SIRT6: variants seen among roughly 807,000 people sequenced by gnomAD.
SIRT6 encodes the protein sirtuin 6, also known as NAD-dependent protein deacylase sirtuin-6.
SIRT6 carries 21 observed loss-of-function variants against 33.6 expected under a neutral mutation model. That is an observed-to-expected ratio of 0.62 (90% CI 0.44 to 0.90). SIRT6 has a LOEUF of 0.90. SIRT6 is among the 40% of genes least tolerant of loss of function. The pLI, the probability that SIRT6 is intolerant of heterozygous loss-of-function variation, is 0.00. For missense variants in SIRT6, 504 were observed against 510.6 expected (o/e 0.99, Z 0.12); for synonymous variants, 221 against 223.9 (o/e 0.99, Z 0.12).
intron 6 of SIRT6, 177 bp from the exon 7 acceptor site, chr19:4,175,328 G>A: frequency 4.6e-6 from 4 of 863,692 alleles, no homozygotes; most frequent in Non-Finnish European, 5.2e-6. Context: ...TCCGTTGGCG[G>A]GGTCATTGAT....
At chr19:4,182,187 T>C (rs1967726689) in intron 1 of SIRT6, 2 of 428,618 alleles carry the variant, frequency 4.7e-6, no homozygotes, top group African/African-American at 4.2e-5. Flanking sequence ...GGCCTAATCG[T>C]TCTCCAGGTG....
chr19:4,179,187 C>T lies in SIRT6; in HGVS notation c.294G>A (p.Leu98=), dbSNP rs1192695651. 2 of 1,612,316 alleles carry T rather than the reference C, an allele frequency of 1.2e-6. No homozygotes were observed. The highest frequency in any genetic ancestry group is 1.7e-5 in the Admixed American group (1 of 59,806). ...GGAGGCCCACGCGCTCCAGCTGCAC[C>T]AGCGCCATGTGGGTCTGCGTGGGCC... ...SARPTQTHMA[L]VQLERVGLLR... is the part of the protein sequence containing the mutation. The change falls in exon 3 of 8, where the codon CTG becomes CTA. Residue 98 remains leucine (L), a synonymous_variant. Coordinates refer to ENST00000337491, the MANE Select transcript of SIRT6 (RefSeq NM_016539.4).
intron 4 of SIRT6, 80 bp from the exon 5 acceptor site, chr19:4,176,017 C>T: frequency 7.6e-7 from 1 of 1,308,192 alleles, no homozygotes; most frequent in Non-Finnish European, 1.1e-6. Context: ...GGGTGACGTT[C>T]TCCCAGGGAG....
At chr19:4,176,169 C>T (rs939323972) in intron 4 of SIRT6, among the ~76,000 whole-genome samples, 6 of 152,250 alleles carry the variant, frequency 3.9e-5, no homozygotes, top group African/African-American at 1.4e-4. Context: ...CGAAGGGGCT[C>T]GAGAGACAAG....
chr19:4,174,668 AGGGCTGGTGGGCCGCTCCCGTTTG>A lies in SIRT6; in HGVS notation c.993_1016del (p.Lys332_Pro339del), dbSNP rs1967170578. The A allele has an allele frequency of 6.9e-7, 1 of 1,457,928 alleles. No homozygotes were observed. Among genetic ancestry groups the A allele is most frequent in the Non-Finnish European group, 9.1e-7 (1 of 1,103,152 alleles). 90.3% of individuals were successfully genotyped at this position (1,457,928 alleles called of 1,614,324 possible). The stretch of plus-strand genomic sequence containing the variant: ...CCCTTTTGGGGGGTCTGTGGGGGGC[AGGGCTGGTGGGCCGCTCCCGTTTG>A]GGGCTGGCGGGCTCTGAGCCGTTGT... On this transcript the variant is annotated inframe_deletion, in exon 8 of 8. Coordinates refer to ENST00000337491, the MANE Select transcript of SIRT6 (RefSeq NM_016539.4). This position sits in a 1 kb window ranked among gnomAD's most constrained non-coding sequence, Gnocchi z 4.2.
intron 6 of SIRT6, 46 bp downstream of exon 6, chr19:4,175,634 T>TCCCGC (rs1232629022): frequency 6.9e-7 from 1 of 1,444,598 alleles, no homozygotes; most frequent in South Asian, 1.4e-5. Context: ...TCTGCTGTCG[T>TCCCGC]CCCGCCCCGC....
intron 1 of SIRT6, among the ~76,000 whole-genome samples, chr19:4,181,585 A>G (rs903607326): frequency 2.0e-5 from 3 of 152,178 alleles, no homozygotes; most frequent in African/African-American, 7.2e-5. Flanking sequence ...TCAAGAGTTC[A>G]AGAGCAGACT....
intron 2 of SIRT6, among the ~76,000 whole-genome samples, chr19:4,180,203 C>G (rs1259860177): frequency 7.0e-6 from 1 of 143,640 alleles, no homozygotes; most frequent in Non-Finnish European, 1.5e-5. Flanking sequence ...CTCCCGGGTT[C>G]AAGCGATTCT....
intron 2 of SIRT6, among the ~76,000 whole-genome samples, chr19:4,180,093 CTTTTTTTTTTT>C (rs71166971): frequency 4.4e-5 from 2 of 45,902 alleles, no homozygotes; most frequent in East Asian, 5.6e-4. Flanking sequence ...CACGCCTTGG[CTTTTTTTTTTT>C]TTTTTTTTTT....
rs186738436 is a variant in SIRT6, at chr19:4,179,044, A to T, written c.377+60T>A. 7.3e-5 allele frequency: 116 copies of T among 1,582,776 alleles called. No homozygotes were observed. In the East Asian group the frequency reaches 2.6e-3, roughly 35 times the overall value. ...AGGAAAAGGGGACTCTCCCCCTAAA[A>T]ATGCAAACACGGTTTGTGGGGCCCC... is the stretch of plus-strand genomic sequence containing the variant. On this transcript the variant is annotated intron_variant, in intron 3 of 7. Transcript: ENST00000337491.
intron 4 of SIRT6, among the ~76,000 whole-genome samples, chr19:4,176,288 C>G (rs1233757115): frequency 6.6e-6 from 1 of 152,174 alleles, no homozygotes; most frequent in Non-Finnish European, 1.5e-5. Context: ...TTTACTTTTC[C>G]TGACTTTAAT....
chr19:4,177,651 C>T (rs1348546824), intron 3 of SIRT6, among the ~76,000 whole-genome samples: 2 of 152,142 alleles, frequency 1.3e-5, no homozygotes, highest in African/African-American at 4.8e-5. Context: ...ACCTCAATGG[C>T]ACAATCTCAG....
intron 3 of SIRT6, among the ~76,000 whole-genome samples, chr19:4,177,587 T>C (rs1027816712): frequency 1.3e-5 from 2 of 151,990 alleles, no homozygotes; most frequent in Non-Finnish European, 2.9e-5. Context: ...TGAGACAGAG[T>C]TTTGCTCTTG....
chr19:4,180,988 C>G, intron 1 of SIRT6, 79 bp from the exon 2 acceptor site: 1 of 1,498,824 alleles, frequency 6.7e-7, no homozygotes, highest in Admixed American at 2.3e-5. Flanking sequence ...ACAGACTGAG[C>G]TGTCCCTGTC....
chr19:4,182,400 T>G (rs1967754863), intron 1 of SIRT6, 74 bp downstream of exon 1: 1 of 1,445,868 alleles, frequency 6.9e-7, no homozygotes, highest in Admixed American at 2.1e-5. Context: ...ATTCCCACAA[T>G]GCCCCCCTGC....
Position 4,174,750 on chromosome 19 carries a change from G to A in SIRT6, c.935C>T (p.Pro312Leu). The A allele has an allele frequency of 1.3e-6, 2 of 1,487,454 alleles. No homozygotes were observed. Among genetic ancestry groups the A allele is most frequent in the Non-Finnish European group, 1.8e-6 (2 of 1,118,610 alleles). 92.1% of individuals were successfully genotyped at this position (1,487,454 alleles called of 1,614,324 possible). The change falls in exon 8 of 8, where the codon CCC (proline) becomes CTC (leucine). Residue 312 changes from proline to leucine, a missense_variant. Transcript: ENST00000337491. The surrounding 1 kb of genome is among the most constrained non-coding windows in gnomAD (Gnocchi z 4.2). ...GCAGGGCTCCTGCTTGGGGCCGGCG[G>A]GGATAGAGCCGTTGATCCGGGTGGG... ...ESPTRINGSI[P>L]AGPKQEPCAQ...
rs747712761 is a variant in SIRT6, at chr19:4,175,074, C to T, written c.692G>A (p.Arg231His). The change falls in exon 7 of 8, where the codon CGC (arginine) becomes CAC (histidine). Residue 231 changes from arginine (R) to histidine (H), a missense_variant. By Grantham distance (29) the Arg-to-His change is conservative. Coordinates refer to ENST00000337491, the MANE Select transcript of SIRT6 (RefSeq NM_016539.4). ...PSGNLPLATK[R>H]RGGRLVIVNL... The stretch of plus-strand genomic sequence containing the variant: ...GACGATGACCAGGCGGCCTCCCCGG[C>T]GCTTGGTAGCCAGCGGCAGGTTCCC... 1.9e-6 allele frequency: 3 copies of T among 1,592,682 alleles called. No individual in the cohort carries two copies. The highest frequency in any genetic ancestry group is 1.8e-5 in the Admixed American group (1 of 56,630).
rs1967271848 is a variant in SIRT6, at chr19:4,175,877, G to A, written c.498C>T (p.Cys166=). Residue 166 remains cysteine, a synonymous_variant, in exon 5 of 8, where the codon TGC becomes TGT. Coordinates refer to ENST00000337491, the MANE Select transcript of SIRT6 (RefSeq NM_016539.4). ...TMGLKATGRL[C]TVAKARGLRA... is the part of the protein sequence containing the mutation. ...GCAGCCCCCTTGCCTTAGCCACGGT[G>A]CAGAGCCGGCCCGTGGCCTTCAGGC... 2 of 1,566,896 alleles carry A rather than the reference G, an allele frequency of 1.3e-6. No homozygotes were observed. Among genetic ancestry groups the A allele is most frequent in the African/African-American group, 1.4e-5 (1 of 74,036 alleles).
chr19:4,174,716 G>A lies in SIRT6; in HGVS notation c.969C>T (p.His323=). Residue 323 remains histidine (H), a synonymous_variant, in exon 8 of 8, where the codon CAC becomes CAT. Coordinates refer to ENST00000337491, the MANE Select transcript of SIRT6 (RefSeq NM_016539.4). The surrounding 1 kb of genome is among the most constrained non-coding windows in gnomAD (Gnocchi z 4.2). The part of the protein sequence containing the change: ...AGPKQEPCAQ[H]NGSEPASPKR... ...TGGGGCTGGCGGGCTCTGAGCCGTT[G>A]TGCTGGGCGCAGGGCTCCTGCTTGG... 6.8e-7 allele frequency: 1 copy of A among 1,476,330 alleles called. No homozygotes were observed. 91.5% of individuals were successfully genotyped at this position (1,476,330 alleles called of 1,614,324 possible). A position where few individuals can be genotyped will look rare whatever the true frequency, so the allele number is the denominator to read the frequency against.
Sources: allele counts gnomAD v4.1 joint callset (sites outside exome capture counted in the v4.1 genomes callset), GRCh38; gene constraint gnomAD v4.1.1; non-coding constraint Gnocchi (gnomAD v3.1); transcripts MANE v1.5; gene names NCBI Gene and HGNC (gene_info 2026-07-23, HGNC 2026-07-21).